PAPPA2: variants seen among roughly 807,000 people sequenced by gnomAD.
PAPPA2 encodes pappalysin 2, also known as pappalysin-2.
A neutral mutation model predicts 176.4 loss-of-function variants in PAPPA2; 86 were observed. The ratio of observed to expected loss-of-function variants is 0.49; its 90% CI spans 0.41 to 0.58. The LOEUF (loss-of-function observed/expected upper bound fraction) is 0.58, where lower values mean the gene tolerates loss of function less well. Ranked by LOEUF, PAPPA2 falls within the 20% of genes least tolerant of loss-of-function variation. The pLI, the probability that PAPPA2 is intolerant of heterozygous loss-of-function variation, is 0.00. For missense variants in PAPPA2, 2,073 were observed against 2,256.9 expected, an observed-to-expected ratio of 0.92 and a Z score of 1.65; for synonymous variants, 809 against 852.2, an observed-to-expected ratio of 0.95 and a Z score of 0.88.
At chr1:176,761,859 A>C (rs923263143) in intron 14 of PAPPA2, among the ~76,000 whole-genome samples, 2 of 152,246 alleles carry the variant, frequency 1.3e-5, no homozygotes, top group Non-Finnish European at 1.5e-5. Context: ...GTAAGGCTTC[A>C]CTTCTGCCAC....
intron 1 of PAPPA2, among the ~76,000 whole-genome samples, chr1:176,485,363 G>C (rs1199691373): frequency 6.6e-6 from 1 of 151,934 alleles, no homozygotes; most frequent in African/African-American, 2.4e-5. Flanking sequence ...AGCCATGCTG[G>C]ACTTCTTGCT....
rs760466092 is a variant in PAPPA2, at chr1:176,793,540, G to A, written c.5021-20G>A. On this transcript the variant is annotated intron_variant, in intron 19 of 22. Coordinates refer to ENST00000367662, the MANE Select transcript of PAPPA2 (RefSeq NM_020318.3). ...GATCTGGGAAGTTCAAGTCTCTGCT[G>A]TAAACTTCTGTTCTTTCAGGTGCAG... 5 of 1,574,476 alleles carry A rather than the reference G, an allele frequency of 3.2e-6. No homozygotes were observed. Among genetic ancestry groups the A allele is most frequent in the Non-Finnish European group, 4.4e-6 (5 of 1,145,832 alleles).
chr1:176,769,975 C>T (rs980726019), intron 16 of PAPPA2, among the ~76,000 whole-genome samples, 191 bp downstream of exon 16: 1 of 152,244 alleles, frequency 6.6e-6, no homozygotes, highest in Non-Finnish European at 1.5e-5. Flanking sequence ...AAAGGATGCA[C>T]TGGCTCAGGT....
intron 1 of PAPPA2, among the ~76,000 whole-genome samples, chr1:176,485,346 C>G (rs1208986249): frequency 6.6e-6 from 1 of 152,194 alleles, no homozygotes; most frequent in East Asian, 1.9e-4. Context: ...CTGTGTCACT[C>G]CATTCTAGCC....
intron 17 of PAPPA2, among the ~76,000 whole-genome samples, chr1:176,783,143 A>G (rs1010815334): frequency 3.9e-5 from 6 of 152,178 alleles, no homozygotes; most frequent in Admixed American, 2.0e-4. Flanking sequence ...TTAAACAATA[A>G]TAGTCCCTAT....
rs541648305 is a variant in PAPPA2, at chr1:176,712,461, T to G, written c.3798+480T>G. On this transcript the variant is annotated intron_variant, in intron 12 of 22. Transcript: ENST00000367662. Reference sequence around the variant, plus strand: ...ACAGTATGTACTCTTTGCAACTGATTCTTTCTTATTTGGCATTATATTTGT... The same window carrying G: ...ACAGTATGTACTCTTTGCAACTGATGCTTTCTTATTTGGCATTATATTTGT... 2.4e-4 allele frequency among the ~76,000 whole-genome samples: 36 copies of G among 152,348 alleles called. 1 individual carries two copies. The South Asian group carries it at 7.5e-3, about 32-fold the overall frequency.
intron 3 of PAPPA2, among the ~76,000 whole-genome samples, chr1:176,662,264 A>G (rs756001848): frequency 9.8e-4 from 150 of 152,296 alleles, no homozygotes; most frequent in Non-Finnish European, 1.7e-3. Flanking sequence ...TGCTAACTTC[A>G]TAAAGTTGTT....
intron 1 of PAPPA2, among the ~76,000 whole-genome samples, chr1:176,515,933 C>T (rs941523451): frequency 6.6e-6 from 1 of 152,142 alleles, no homozygotes; most frequent in Non-Finnish European, 1.5e-5. Context: ...CTCATTTAGT[C>T]CCCACAACAG....
intron 1 of PAPPA2, among the ~76,000 whole-genome samples, chr1:176,516,407 T>G (rs934337992): frequency 6.6e-6 from 1 of 152,100 alleles, no homozygotes; most frequent in Non-Finnish European, 1.5e-5. Context: ...GGCAAAACAG[T>G]TTCCATTTAG....
chr1:176,663,133 G>T (rs1658445289), intron 3 of PAPPA2, among the ~76,000 whole-genome samples: 1 of 152,134 alleles, frequency 6.6e-6, no homozygotes, highest in African/African-American at 2.4e-5. Context: ...TTGCCTTTGG[G>T]AGGTTCCAAA....
intron 1 of PAPPA2, among the ~76,000 whole-genome samples, chr1:176,512,966 C>T (rs1368994344): frequency 6.6e-6 from 1 of 152,108 alleles, no homozygotes; most frequent in East Asian, 1.9e-4. Flanking sequence ...ACAACAGTTT[C>T]AAAAGTTAGG....
intron 5 of PAPPA2, among the ~76,000 whole-genome samples, chr1:176,691,555 G>T (rs577737469): frequency 6.6e-6 from 1 of 152,224 alleles, no homozygotes; most frequent in Non-Finnish European, 1.5e-5. Context: ...TTTGACTGGT[G>T]TGCTTTCACT....
chr1:176,800,118 A>C lies in PAPPA2; in HGVS notation c.5188A>C (p.Ile1730Leu), dbSNP rs1443536148. The stretch of plus-strand genomic sequence containing the variant: ...CCCAGACCCCGTCTTAGTCCACTGC[A>C]TCCAGTCATGTGAGGTAAGATAGCC... Reference protein sequence around the residue: ...WHPDPVLVHCIQSCEPFQADG... With the variant: ...WHPDPVLVHCLQSCEPFQADG... Residue 1730 changes from isoleucine to leucine, a missense_variant, in exon 21 of 23, where the codon ATC becomes CTC. By Grantham distance (5) the Ile-to-Leu change is conservative (BLOSUM62 2). Around this residue, in one of 4 missense-constraint regions of PAPPA2, gnomAD observed 846 missense variants for 857.9 expected, o/e 0.99. Coordinates refer to ENST00000367662, the MANE Select transcript of PAPPA2 (RefSeq NM_020318.3). 6.2e-7 allele frequency: 1 copy of C among 1,613,906 alleles called. No homozygotes were observed. The highest frequency in any genetic ancestry group is 2.2e-5 in the East Asian group (1 of 44,890).
intron 12 of PAPPA2, among the ~76,000 whole-genome samples, chr1:176,721,873 A>G (rs1661639864): frequency 6.6e-6 from 1 of 151,734 alleles, no homozygotes; most frequent in Non-Finnish European, 1.5e-5. Flanking sequence ...CCAAATATAC[A>G]TACATTACAC....
chr1:176,731,418 G>A (rs1219188120), intron 12 of PAPPA2, among the ~76,000 whole-genome samples: 2 of 151,918 alleles, frequency 1.3e-5, no homozygotes, highest in Non-Finnish European at 2.9e-5. Context: ...TCTTTTCTCA[G>A]TCTCCCTAGT....
At chr1:176,842,114 A>G (rs141971235) in intron 22 of PAPPA2, among the ~76,000 whole-genome samples, 1 of 152,308 alleles carries the variant, frequency 6.6e-6, no homozygotes, top group East Asian at 1.9e-4. Flanking sequence ...CTCATTATTT[A>G]AATCACACAA....
At chr1:176,801,536 G>T (rs1665685523) in intron 21 of PAPPA2, among the ~76,000 whole-genome samples, 1 of 152,138 alleles carries the variant, frequency 6.6e-6, no homozygotes, top group Non-Finnish European at 1.5e-5. Context: ...TTGTTATGGT[G>T]TGGGCCAACA....
At chr1:176,652,984 C>T (rs1012827614) in intron 3 of PAPPA2, among the ~76,000 whole-genome samples, 1 of 151,672 alleles carries the variant, frequency 6.6e-6, no homozygotes, top group Non-Finnish European at 1.5e-5. Context: ...TTGGTTTTCT[C>T]TCTGGAGAGG....
At chr1:176,515,779 T>C (rs577063132) in intron 1 of PAPPA2, among the ~76,000 whole-genome samples, 1 of 152,260 alleles carries the variant, frequency 6.6e-6, no homozygotes, top group East Asian at 1.9e-4. Flanking sequence ...TCTTCCTTTC[T>C]TCTTTCTAGA....
Sources: gnomAD v4.1 joint callset for allele counts (sites outside exome capture counted in the v4.1 genomes callset) on GRCh38, gnomAD v4.1.1 for gene constraint, gnomAD v4.1.1 regional missense constraint, MANE v1.5 for transcripts, NCBI Gene and HGNC (gene_info 2026-07-23, HGNC 2026-07-21) for gene names.